DLGAP1: variants seen among roughly 807,000 people sequenced by gnomAD.
The protein encoded by DLGAP1 is disks large-associated protein 1.
Under a neutral mutation model 90.8 loss-of-function variants are expected in DLGAP1, and 11 were observed. That is an observed-to-expected ratio of 0.12 (90% CI 0.08 to 0.20). The LOEUF is 0.20. Ranked by LOEUF, DLGAP1 falls within the 10% of genes least tolerant of loss-of-function variation. The pLI, the probability that DLGAP1 is intolerant of heterozygous loss-of-function variation, is 1.00. For synonymous variants in DLGAP1, 558 were observed against 540.7 expected (o/e 1.03, Z -0.44); for missense variants, 1,050 against 1,333.8 (o/e 0.79, Z 3.31).
At chr18:4,235,545 T>C (rs2078390755) in intron 1 of DLGAP1, among the ~76,000 whole-genome samples, 1 of 152,118 alleles carries the variant, frequency 6.6e-6, no homozygotes, top group South Asian at 2.1e-4. Context: ...TTTGGAATAA[T>C]GTGTTACATA....
At chr18:3,542,390 A>G (rs2052742888) in intron 9 of DLGAP1, among the ~76,000 whole-genome samples, 1 of 152,230 alleles carries the variant, frequency 6.6e-6, no homozygotes, top group Non-Finnish European at 1.5e-5. Context: ...GCAGAAAAAG[A>G]GGCCACAGAG....
At chr18:4,307,623 A>T (rs2080292306) in intron 1 of DLGAP1, among the ~76,000 whole-genome samples, 1 of 151,384 alleles carries the variant, frequency 6.6e-6, no homozygotes, top group South Asian at 2.1e-4. Context: ...GAAATAGAAC[A>T]CGGCAGAGCC....
chr18:3,900,903 C>A (rs1293301209), intron 3 of DLGAP1, among the ~76,000 whole-genome samples: 1 of 152,124 alleles, frequency 6.6e-6, no homozygotes, highest in Non-Finnish European at 1.5e-5. Context: ...CTCGCCTCTC[C>A]CATCTCCCCC....
intron 7 of DLGAP1, among the ~76,000 whole-genome samples, chr18:3,704,757 G>A (rs1049137926): frequency 6.6e-6 from 1 of 152,122 alleles, no homozygotes; most frequent in African/African-American, 2.4e-5. Flanking sequence ...AGCCCACTGG[G>A]TTGGAGGTAT....
chr18:3,844,410 C>T (rs771434689), intron 4 of DLGAP1, among the ~76,000 whole-genome samples: 5 of 152,180 alleles, frequency 3.3e-5, no homozygotes, highest in Non-Finnish European at 7.4e-5. Context: ...ATTTCTGCTA[C>T]CATCTGATGA....
intron 3 of DLGAP1, among the ~76,000 whole-genome samples, chr18:3,968,815 T>G: frequency 6.6e-6 from 1 of 152,302 alleles, no homozygotes; most frequent in East Asian, 1.9e-4. Context: ...GGAGGTTTAT[T>G]TTTTTCTTCC....
In DLGAP1 at chr18:3,742,524, C is replaced by A. The variant is rs190846345; in HGVS notation, c.1173-12G>T. On this transcript the variant is annotated splice_polypyrimidine_tract_variant and intron_variant, in intron 5 of 12. Coordinates refer to ENST00000315677, the MANE Select transcript of DLGAP1 (RefSeq NM_004746.4). ...GTTCATTGGAGATTCTGGAAGGGAACAATGGAAGAGGTGCATTAGTCACAT... is the reference window on the plus strand; with the variant it reads ...GTTCATTGGAGATTCTGGAAGGGAAAAATGGAAGAGGTGCATTAGTCACAT... The A allele has an allele frequency of 2.5e-6, 4 of 1,613,680 alleles. No homozygotes were observed. The Admixed American group carries it at 6.7e-5, about 27-fold the overall frequency.
At chr18:4,189,803 C>T (rs769003916) in intron 1 of DLGAP1, among the ~76,000 whole-genome samples, 3 of 152,026 alleles carry the variant, frequency 2.0e-5, no homozygotes, top group African/African-American at 7.2e-5. Context: ...CAGAAACTTA[C>T]CCACACAAAT....
intron 7 of DLGAP1, chr18:3,656,349 G>A (rs1015191073): frequency 8.4e-6 from 4 of 475,970 alleles, no homozygotes; most frequent in African/African-American, 7.9e-5. Context: ...ACTAAAAATG[G>A]GATCAAACAT....
chr18:3,667,995 T>G (rs926241938), intron 7 of DLGAP1, among the ~76,000 whole-genome samples: 2 of 152,212 alleles, frequency 1.3e-5, no homozygotes, highest in Non-Finnish European at 2.9e-5. Flanking sequence ...CCAGAGAAAG[T>G]TGACTCTAAT....
At chr18:3,735,930 C>T (rs2062619153) in intron 6 of DLGAP1, among the ~76,000 whole-genome samples, 1 of 151,886 alleles carries the variant, frequency 6.6e-6, no homozygotes, top group Non-Finnish European at 1.5e-5. Context: ...ATCTAGGTTT[C>T]CATTTCATTC....
intron 3 of DLGAP1, among the ~76,000 whole-genome samples, chr18:3,999,365 T>G (rs2074134132): frequency 6.6e-6 from 1 of 152,174 alleles, no homozygotes; most frequent in South Asian, 2.1e-4. Context: ...AATATTTTTA[T>G]AAATGTAAAT....
rs143257318 is a variant in DLGAP1, at chr18:4,137,382, T to G, written c.-159+13798A>C. Among the ~76,000 whole-genome samples the G allele has an allele frequency of 5.2e-3, 785 of 152,306 alleles. 5 individuals are homozygous for G. Among genetic ancestry groups the G allele is most frequent in the South Asian group, 0.023 (111 of 4,824 alleles). On this transcript the variant is annotated intron_variant, in intron 2 of 12. Coordinates refer to ENST00000315677, the MANE Select transcript of DLGAP1 (RefSeq NM_004746.4). ...CCAGCACCATTTATTGAAGAGACTG[T>G]TCTATCTCCAATATATGTTCTTGGT...
At chr18:4,135,236 G>A (rs528278046) in intron 2 of DLGAP1, among the ~76,000 whole-genome samples, 1 of 152,154 alleles carries the variant, frequency 6.6e-6, no homozygotes, top group Non-Finnish European at 1.5e-5. Context: ...GGTGGGTAGA[G>A]GTGCCATAGA....
chr18:4,139,140 TTTA>T (rs566555159), intron 2 of DLGAP1, among the ~76,000 whole-genome samples: 116 of 152,130 alleles, frequency 7.6e-4, no homozygotes, highest in African/African-American at 2.7e-3. Flanking sequence ...TGCTTTGATC[TTTA>T]TTATTTCTTT....
At chr18:3,854,148 T>C (rs2069498030) in intron 4 of DLGAP1, among the ~76,000 whole-genome samples, 1 of 152,206 alleles carries the variant, frequency 6.6e-6, no homozygotes, top group Non-Finnish European at 1.5e-5. Flanking sequence ...TAATATGCTT[T>C]TAAATAAAAT....
chr18:3,821,955 C>A (rs1407921866), intron 4 of DLGAP1: 1 of 984,600 alleles, frequency 1.0e-6, no homozygotes, highest in Admixed American at 6.2e-5. Context: ...CAGCTTTCAC[C>A]TTGACAAATG....
chr18:4,236,073 T>C (rs1376138147), intron 1 of DLGAP1, among the ~76,000 whole-genome samples: 1 of 152,270 alleles, frequency 6.6e-6, no homozygotes, highest in East Asian at 1.9e-4. Context: ...TAGGACCAGA[T>C]TGCCTGGGTT....
In DLGAP1 at chr18:4,181,486, C is replaced by T. The variant is rs908476846; in HGVS notation, c.-266-30199G>A. On this transcript the variant is annotated intron_variant, in intron 1 of 12. Transcript: ENST00000315677. ...AGGAGAAAATGCAGCAGGAGCTACC[C>T]GTGATAGGAGTCAATACCTCTGTGA... 5.3e-5 allele frequency among the ~76,000 whole-genome samples: 8 copies of T among 152,100 alleles called. No individual in the cohort carries two copies. In the East Asian group the frequency reaches 9.6e-4, roughly 18 times the overall value.
Sources: gnomAD v4.1 joint callset for allele counts (sites outside exome capture counted in the v4.1 genomes callset) on GRCh38, gnomAD v4.1.1 for gene constraint, MANE v1.5 for transcripts, NCBI Gene and HGNC (gene_info 2026-07-23, HGNC 2026-07-21) for gene names.